The following EFCC1 variants were observed in gnomAD, a reference collection of about 807,000 sequenced individuals.
EFCC1 encodes EF-hand and coiled-coil domain-containing protein 1.
A neutral mutation model predicts 52.1 loss-of-function variants in EFCC1; 50 were observed. That is an observed-to-expected ratio of 0.96 (90% confidence interval 0.76 to 1.21). The LOEUF (loss-of-function observed/expected upper bound fraction) is 1.21. EFCC1 is among the 50% of genes most tolerant of loss of function. EFCC1 has a pLI of 0.00. For missense variants in EFCC1, 837 were observed against 867.3 expected (o/e 0.97, Z 0.44); for synonymous variants, 399 against 396.5 (o/e 1.01, Z -0.08).
chr3:129,029,991 C>A (rs148524640), intron 2 of EFCC1, among the ~76,000 whole-genome samples: 1,539 of 151,682 alleles, frequency 0.01, 12 homozygotes, highest in Admixed American at 0.015. Context: ...TCGAGACCAG[C>A]GGAAGCAACA....
intron 2 of EFCC1, among the ~76,000 whole-genome samples, chr3:129,026,742 TACTG>T (rs754100356): frequency 2.0e-5 from 3 of 152,142 alleles, no homozygotes; most frequent in Non-Finnish European, 4.4e-5. Flanking sequence ...AGTAGGGAGA[TACTG>T]GCACCTCCCC....
chr3:129,033,800 G>A (rs1349891476), intron 4 of EFCC1, among the ~76,000 whole-genome samples: 1 of 152,208 alleles, frequency 6.6e-6, no homozygotes, highest in African/African-American at 2.4e-5. Flanking sequence ...GGGAGATGCA[G>A]GGAAGGAAAT....
chr3:129,002,165 G>GCGC lies in EFCC1; in HGVS notation c.551_553dup (p.Arg184dup), dbSNP rs747038490. On this transcript the variant is annotated inframe_insertion, in exon 1 of 8. Coordinates refer to ENST00000683648, the MANE Select transcript of EFCC1 (RefSeq NM_001377500.1). ...AGACGCAGATCCGCCTGCGCCGTCC[G>GCGC]CGCCGCCGCCGCCGCCCGCCCTGCG... The GCGC allele has an allele frequency of 9.6e-5, 141 of 1,472,034 alleles. 2 individuals are homozygous for GCGC. In the South Asian group the frequency reaches 1.1e-3, roughly 11 times the overall value. The allele number at this position is 1,472,034 out of a possible 1,614,324, so 91.2% of individuals were successfully genotyped here.
In EFCC1 at chr3:129,001,899, G is replaced by A. The variant is rs1944784152; in HGVS notation, c.271G>A (p.Glu91Lys). 2 of 1,538,536 alleles carry A rather than the reference G, an allele frequency of 1.3e-6. No homozygotes were observed. Among genetic ancestry groups the A allele is most frequent in the Non-Finnish European group, 1.8e-6 (2 of 1,141,262 alleles). Residue 91 changes from glutamate (E) to lysine (K), a missense_variant, in exon 1 of 8, where the codon GAG becomes AAG. Physicochemically the swap from Glu to Lys is moderately conservative, Grantham distance 56 (BLOSUM62 1). Coordinates refer to ENST00000683648, the MANE Select transcript of EFCC1 (RefSeq NM_001377500.1). ...ALCAVLGLRA[E>K]GATTAGQAAG... The stretch of plus-strand genomic sequence containing the variant: ...CTGCGCTGTGCTGGGGCTGCGCGCG[G>A]AGGGGGCCACCACGGCCGGGCAGGC...
chr3:129,030,841 A>T lies in EFCC1; in HGVS notation c.1119A>T (p.Gly373=). 6.4e-7 allele frequency: 1 copy of T among 1,551,306 alleles called. No individual in the cohort carries two copies. Among genetic ancestry groups the T allele is most frequent in the Non-Finnish European group, 8.7e-7 (1 of 1,146,798 alleles). The part of the protein sequence containing the change: ...EGAWQSDSSS[G]SRALDEAVDE... ...CCTGGCAGTCAGACAGCAGCTCTGGAAGCAGAGCCCTGGATGAAGGTTTGT... is the reference window on the plus strand; with the variant it reads ...CCTGGCAGTCAGACAGCAGCTCTGGTAGCAGAGCCCTGGATGAAGGTTTGT... Residue 373 remains glycine, a synonymous_variant, in exon 3 of 8, where the codon GGA becomes GGT. Transcript: ENST00000683648.
intron 2 of EFCC1, among the ~76,000 whole-genome samples, chr3:129,011,563 A>G (rs1576722822): frequency 6.6e-6 from 1 of 152,110 alleles, no homozygotes; most frequent in East Asian, 1.9e-4. Flanking sequence ...AAAAAAAAAA[A>G]AAAGAATGAA....
intron 2 of EFCC1, among the ~76,000 whole-genome samples, chr3:129,028,266 T>C (rs1946185733): frequency 6.6e-6 from 1 of 151,936 alleles, no homozygotes; most frequent in Non-Finnish European, 1.5e-5. Flanking sequence ...GTATTTTTAG[T>C]AGAGATGTGG....
intron 2 of EFCC1, among the ~76,000 whole-genome samples, chr3:129,026,038 C>T (rs1056313964): frequency 1.3e-5 from 2 of 152,372 alleles, no homozygotes; most frequent in African/African-American, 4.8e-5. Context: ...TCCTCCAGCT[C>T]TTAGTGCTTT....
At position 129,022,831 on chromosome 3, in the gene EFCC1, G is replaced by A. The variant is rs564488637; in HGVS notation, c.981-7872G>A. Among the ~76,000 whole-genome samples, 17 of 152,360 alleles carry A rather than the reference G, an allele frequency of 1.1e-4. No individual in the cohort carries two copies. The South Asian group carries it at 1.7e-3, about 15-fold the overall frequency. On this transcript the variant is annotated intron_variant, in intron 2 of 7. Coordinates refer to ENST00000683648, the MANE Select transcript of EFCC1 (RefSeq NM_001377500.1). ...CCGAAAGACAGTGGCCCAGAAGTGCGGCAGGCAGGGGTGAATGTGGGAGTC... is the reference window on the plus strand; with the variant it reads ...CCGAAAGACAGTGGCCCAGAAGTGCAGCAGGCAGGGGTGAATGTGGGAGTC...
intron 2 of EFCC1, among the ~76,000 whole-genome samples, chr3:129,018,016 C>T (rs535097052): frequency 2.0e-5 from 3 of 152,354 alleles, no homozygotes; most frequent in Non-Finnish European, 4.4e-5. Context: ...GCCCTCCCTC[C>T]TGGCTACCAT....
rs954022785 is a variant in EFCC1 at position 129,039,026 on chromosome 3, T to C, written c.1663+126T>C. On this transcript the variant is annotated intron_variant, in intron 7 of 7. Coordinates refer to ENST00000683648, the MANE Select transcript of EFCC1 (RefSeq NM_001377500.1). ...ACAATCATGTTATTCCTGCCCTGCA[T>C]GCTTTAGAAAGCTGAAGGGGCTTTT... 39 of 879,124 alleles carry C rather than the reference T, an allele frequency of 4.4e-5. No individual in the cohort carries two copies. The African/African-American group carries it at 5.1e-4, about 11-fold the overall frequency. 54.5% of individuals were successfully genotyped at this position (879,124 alleles called of 1,614,324 possible).
rs1447394749 is a variant in EFCC1, at chr3:129,014,846, G to A, written c.980+10769G>A. Among the ~76,000 whole-genome samples the A allele has an allele frequency of 6.6e-6, 1 of 152,254 alleles. No homozygotes were observed. The highest frequency in any genetic ancestry group is 1.9e-4 in the East Asian group (1 of 5,176). On this transcript the variant is annotated intron_variant, in intron 2 of 7. Transcript: ENST00000683648. The surrounding 1 kb of genome is among the most constrained non-coding windows in gnomAD (Gnocchi z 4.3). Reference sequence around the variant, plus strand: ...TTGGAGCCAGCCTGGATGCCGAGGGGCCAGTGAGGAGGGGCCAGTGAGGAG... The same window carrying A: ...TTGGAGCCAGCCTGGATGCCGAGGGACCAGTGAGGAGGGGCCAGTGAGGAG...
At chr3:129,034,395 A>C in intron 5 of EFCC1, 66 bp downstream of exon 5, 1 of 1,549,554 alleles carries the variant, frequency 6.5e-7, no homozygotes, top group Non-Finnish European at 8.8e-7. Flanking sequence ...GAAGGGTCTG[A>C]GGGATTGCAG....
chr3:129,003,810 G>T lies in EFCC1; in HGVS notation c.713G>T (p.Ser238Ile). The T allele has an allele frequency of 6.8e-7, 1 of 1,464,072 alleles. No homozygotes were observed. The highest frequency in any genetic ancestry group is 9.0e-7 in the Non-Finnish European group (1 of 1,112,766). 90.7% of individuals were successfully genotyped at this position (1,464,072 alleles called of 1,614,324 possible). The change falls in exon 2 of 8, where the codon AGC (serine) becomes ATC (isoleucine). Residue 238 changes from serine (S) to isoleucine (I), a missense_variant. Physicochemically the swap from Ser to Ile is moderately radical, Grantham distance 142. Coordinates refer to ENST00000683648, the MANE Select transcript of EFCC1 (RefSeq NM_001377500.1). ...CLALQVGLWK[S>I]QASTHEMGHG... ...TCCCCGCAGGTCGGACTCTGGAAGAGCCAGGCGAGCACCCACGAGATGGGG... is the reference window on the plus strand; with the variant it reads ...TCCCCGCAGGTCGGACTCTGGAAGATCCAGGCGAGCACCCACGAGATGGGG...
Position 129,039,776 on chromosome 3 carries a change from G to C in EFCC1, c.1728G>C (p.Leu576=), listed in dbSNP as rs144831930. The C allele has an allele frequency of 1.1e-4, 179 of 1,612,408 alleles. No homozygotes were observed. Among genetic ancestry groups the C allele is most frequent in the Non-Finnish European group, 1.5e-4 (175 of 1,179,034 alleles). ...ACCAAGCCTTGGCTGCCTGCCAGCT[G>C]TTGCGGAGACAGCCCTCGGCACCAG... ...ALHQALAACQ[L]LRRQPSAPAS... The change falls in exon 8 of 8, where the codon CTG becomes CTC. Residue 576 remains leucine (L), a synonymous_variant. Transcript: ENST00000683648.
Position 129,002,339 on chromosome 3 carries a change from C to A in EFCC1, c.696+15C>A, listed in dbSNP as rs1559952977. On this transcript the variant is annotated intron_variant, in intron 1 of 7. Coordinates refer to ENST00000683648, the MANE Select transcript of EFCC1 (RefSeq NM_001377500.1). ...TAGCACTGCAGGTGCGCGCCGGCCA[C>A]GAAGGGAGGGTGGTAACGCCCGGGA... is the stretch of plus-strand genomic sequence containing the variant. The A allele has an allele frequency of 6.6e-7, 1 of 1,511,860 alleles. No individual in the cohort carries two copies. The allele number at this position is 1,511,860 out of a possible 1,614,324, so 93.7% of individuals were successfully genotyped here.
Position 129,039,891 on chromosome 3 carries a change from C to A in EFCC1, c.*43C>A. 6.4e-7 allele frequency: 1 copy of A among 1,552,078 alleles called. No homozygotes were observed. Among genetic ancestry groups the A allele is most frequent in the Non-Finnish European group, 8.7e-7 (1 of 1,143,604 alleles). On this transcript the variant is annotated 3_prime_UTR_variant, in exon 8 of 8. Coordinates refer to ENST00000683648, the MANE Select transcript of EFCC1 (RefSeq NM_001377500.1). Reference sequence around the variant, plus strand: ...GTGGGCACCCTGCTCAGCCTGACTGCCTTTGGACCAGCCTCCATGATCAGC... The same window carrying A: ...GTGGGCACCCTGCTCAGCCTGACTGACTTTGGACCAGCCTCCATGATCAGC...
rs1024389814 is a variant in EFCC1 at position 129,040,117 on chromosome 3, T to A, written c.*269T>A. On this transcript the variant is annotated 3_prime_UTR_variant, in exon 8 of 8. Transcript: ENST00000683648. The surrounding 1 kb of genome is among the most constrained non-coding windows in gnomAD (Gnocchi z 4.4). Reference sequence around the variant, plus strand: ...ACATTAAAGCCCTGCAGTTGCTGGATCAGCCTGCACCTGATGCTGTATCTT... The same window carrying A: ...ACATTAAAGCCCTGCAGTTGCTGGAACAGCCTGCACCTGATGCTGTATCTT... 3 of 430,094 alleles carry A rather than the reference T, an allele frequency of 7.0e-6. No individual in the cohort carries two copies. The highest frequency in any genetic ancestry group is 1.2e-5 in the Non-Finnish European group (3 of 243,704). The allele number at this position is 430,094 out of a possible 1,614,324, so 26.6% of individuals were successfully genotyped here. A position where few individuals can be genotyped will look rare whatever the true frequency, so the allele number is the denominator to read the frequency against.
intron 2 of EFCC1, among the ~76,000 whole-genome samples, chr3:129,006,447 C>T (rs902459622): frequency 6.6e-6 from 1 of 152,210 alleles, no homozygotes. Context: ...CTCCCCATAG[C>T]TGGGATTAAA....
Sources: allele counts gnomAD v4.1 joint callset (sites outside exome capture counted in the v4.1 genomes callset), GRCh38; gene constraint gnomAD v4.1.1; non-coding constraint Gnocchi (gnomAD v3.1); transcripts MANE v1.5; gene names NCBI Gene and HGNC (gene_info 2026-07-23, HGNC 2026-07-21).